CNTLN: variants seen among roughly 807,000 people sequenced by gnomAD.
The protein encoded by CNTLN is centlein, centrosomal protein.
Under a neutral mutation model 180.0 loss-of-function variants are expected in CNTLN, and 212 were observed. That is an observed-to-expected ratio of 1.18 (90% confidence interval 1.05 to 1.32). CNTLN has a LOEUF of 1.32. Among genes scored for constraint, CNTLN ranks in the 40% most tolerant of loss-of-function variants. CNTLN has a pLI of 0.00. For missense variants in CNTLN, 2,095 were observed against 1,610.9 expected, an observed-to-expected ratio of 1.30 and a Z score of -5.14; for synonymous variants, 722 against 563.1, an observed-to-expected ratio of 1.28 and a Z score of -3.99.
At chr9:17,414,906 A>G (rs1052890807) in intron 16 of CNTLN, among the ~76,000 whole-genome samples, 4 of 152,244 alleles carry the variant, frequency 2.6e-5, no homozygotes, top group Admixed American at 1.3e-4. Context: ...CCTAGACAGT[A>G]TGGTGAAACC....
intron 23 of CNTLN, among the ~76,000 whole-genome samples, chr9:17,471,642 C>T (rs1281329323): frequency 6.6e-6 from 1 of 151,900 alleles, no homozygotes; most frequent in African/African-American, 2.4e-5. Context: ...ATCATTATTC[C>T]ACTGATATGT....
At chr9:17,499,745 A>G (rs1287891116) in intron 25 of CNTLN, among the ~76,000 whole-genome samples, 1 of 152,092 alleles carries the variant, frequency 6.6e-6, no homozygotes. Flanking sequence ...ATTATTAACT[A>G]TTTTGTCATA....
intron 3 of CNTLN, among the ~76,000 whole-genome samples, chr9:17,232,214 TG>T (rs1824857643): frequency 1.3e-5 from 2 of 152,172 alleles, no homozygotes; most frequent in South Asian, 4.1e-4. Flanking sequence ...GCTCTTGTGT[TG>T]GGAGAGAATC....
At chr9:17,262,136 A>G (rs1827037444) in intron 5 of CNTLN, among the ~76,000 whole-genome samples, 1 of 151,574 alleles carries the variant, frequency 6.6e-6, no homozygotes, top group Admixed American at 6.6e-5. Flanking sequence ...GGGAGTGCAA[A>G]TTAGTTCAAC....
At chr9:17,325,868 TAA>T (rs1440977056) in intron 8 of CNTLN, among the ~76,000 whole-genome samples, 1 of 152,088 alleles carries the variant, frequency 6.6e-6, no homozygotes, top group Admixed American at 6.5e-5. Context: ...TAAAACAATT[TAA>T]GTTACAATTT....
intron 3 of CNTLN, among the ~76,000 whole-genome samples, chr9:17,230,395 G>T (rs897780700): frequency 6.7e-6 from 1 of 150,362 alleles, no homozygotes; most frequent in Non-Finnish European, 1.5e-5. Flanking sequence ...GTGGGGTGTT[G>T]GGGGAGGAGA....
At chr9:17,504,415 A>T (rs1833894361), downstream of CNTLN, among the ~76,000 whole-genome samples, 1 of 152,224 alleles carries the variant, frequency 6.6e-6, no homozygotes, top group Non-Finnish European at 1.5e-5. Context: ...TGCTAGTATG[A>T]CCTTGATACC....
chr9:17,421,769 A>G (rs774831680), intron 18 of CNTLN, among the ~76,000 whole-genome samples: 4 of 152,142 alleles, frequency 2.6e-5, no homozygotes, highest in African/African-American at 4.8e-5. Flanking sequence ...TGAGGTCTGC[A>G]AATAATGCTT....
At chr9:17,179,587 G>A (rs1820992305) in intron 2 of CNTLN, among the ~76,000 whole-genome samples, 2 of 152,130 alleles carry the variant, frequency 1.3e-5, no homozygotes, top group African/African-American at 4.8e-5. Flanking sequence ...GTGGCCCAAA[G>A]TATGGTTTAT....
chr9:17,521,270 A>AGAGAGAGAGAG, the CNTLN span, among the ~76,000 whole-genome samples: 1 of 148,156 alleles, frequency 6.7e-6, no homozygotes, highest in East Asian at 2.0e-4. Flanking sequence ...AGAAAAAGAG[A>AGAGAGAGAGAG]GAGAGAGAGA....
intron 1 of CNTLN, among the ~76,000 whole-genome samples, chr9:17,136,257 A>C (rs1817709341): frequency 6.6e-6 from 1 of 152,176 alleles, no homozygotes; most frequent in African/African-American, 2.4e-5. Flanking sequence ...GTAGATCTTT[A>C]AGTCACTCTG....
At chr9:17,175,285 A>G (rs1033541985) in intron 2 of CNTLN, among the ~76,000 whole-genome samples, 1 of 152,090 alleles carries the variant, frequency 6.6e-6, no homozygotes, top group African/African-American at 2.4e-5. Context: ...TTTGTACTTA[A>G]GTTCACAATC....
chr9:17,164,390 T>C (rs1322269951), intron 2 of CNTLN, among the ~76,000 whole-genome samples: 1 of 149,876 alleles, frequency 6.7e-6, no homozygotes, highest in Non-Finnish European at 1.5e-5. Flanking sequence ...ATTTGTTAGC[T>C]TTAATCGAAT....
chr9:17,250,318 C>T (rs1167241443), intron 5 of CNTLN, among the ~76,000 whole-genome samples: 1 of 151,658 alleles, frequency 6.6e-6, no homozygotes, highest in Non-Finnish European at 1.5e-5. Context: ...ATGTTTTATG[C>T]CAATCTCTTT....
At chr9:17,504,870 G>C (rs141448221), downstream of CNTLN, among the ~76,000 whole-genome samples, 1 of 152,200 alleles carries the variant, frequency 6.6e-6, no homozygotes, top group Admixed American at 6.5e-5. Flanking sequence ...ACTGATTTTG[G>C]ACATCTAGAA....
chr9:17,287,240 C>CT (rs1305282588), intron 6 of CNTLN, among the ~76,000 whole-genome samples: 1 of 151,736 alleles, frequency 6.6e-6, no homozygotes, highest in Non-Finnish European at 1.5e-5. Flanking sequence ...TTGTCAAAGG[C>CT]TTTTTCTGCA....
chr9:17,387,243 A>G (rs1447507910), intron 13 of CNTLN, among the ~76,000 whole-genome samples: 1 of 152,166 alleles, frequency 6.6e-6, no homozygotes, highest in Non-Finnish European at 1.5e-5. Context: ...ACACTGACCT[A>G]CAGCAGCCAA....
intron 2 of CNTLN, among the ~76,000 whole-genome samples, chr9:17,199,447 G>A (rs774959962): frequency 1.1e-3 from 174 of 151,962 alleles, no homozygotes; most frequent in Non-Finnish European, 2.2e-3. Flanking sequence ...TCCTGACCTC[G>A]TGATCCACCC....
intron 2 of CNTLN, among the ~76,000 whole-genome samples, chr9:17,159,460 C>T (rs1310126151): frequency 6.6e-6 from 1 of 152,148 alleles, no homozygotes; most frequent in Non-Finnish European, 1.5e-5. Context: ...TGGCTTGCCT[C>T]TCCTGGCATG....
Sources: allele counts gnomAD v4.1 joint callset (sites outside exome capture counted in the v4.1 genomes callset), GRCh38; gene constraint gnomAD v4.1.1; transcripts MANE v1.5; gene names NCBI Gene and HGNC (gene_info 2026-07-23, HGNC 2026-07-21).